Variants in SNCAIP observed in about 807,000 individuals in gnomAD.
SNCAIP encodes synphilin-1.
Under a neutral mutation model 86.7 loss-of-function variants are expected in SNCAIP, and 43 were observed. The ratio of observed to expected loss-of-function variants is 0.50; its 90% CI spans 0.39 to 0.64. SNCAIP has a LOEUF of 0.64. SNCAIP is among the 30% of genes least tolerant of loss of function. The pLI, the probability that SNCAIP is intolerant of heterozygous loss-of-function variation, is 0.00. For synonymous variants in SNCAIP, 417 were observed against 427.2 expected (o/e 0.98, Z 0.29); for missense variants, 981 against 1,103.1 (o/e 0.89, Z 1.57).
chr5:122,441,929 A>G (rs897127248), intron 7 of SNCAIP, among the ~76,000 whole-genome samples: 5 of 152,188 alleles, frequency 3.3e-5, no homozygotes, highest in Non-Finnish European at 7.3e-5. Flanking sequence ...TATCATTGAA[A>G]GTGACCCGAC....
chr5:122,313,795 G>A, intron 1 of SNCAIP, among the ~76,000 whole-genome samples: 1 of 152,146 alleles, frequency 6.6e-6, no homozygotes, highest in East Asian at 1.9e-4. Context: ...CTCTGGAAAG[G>A]GAGTATTAAC....
intron 1 of SNCAIP, among the ~76,000 whole-genome samples, chr5:122,349,186 G>A (rs576180111): frequency 4.6e-5 from 7 of 152,076 alleles, no homozygotes; most frequent in African/African-American, 9.7e-5. Flanking sequence ...ATTTATTTGC[G>A]TCTTTTCAGA....
At chr5:122,365,576 G>A (rs920327811) in intron 1 of SNCAIP, among the ~76,000 whole-genome samples, 1 of 152,208 alleles carries the variant, frequency 6.6e-6, no homozygotes, top group African/African-American at 2.4e-5. Context: ...CTACTTGGGA[G>A]GCTGAGGCAG....
At chr5:122,313,325 A>G (rs758316857) in intron 1 of SNCAIP, among the ~76,000 whole-genome samples, 8 of 152,260 alleles carry the variant, frequency 5.3e-5, no homozygotes, top group African/African-American at 1.9e-4. Flanking sequence ...GCTGCAGGAC[A>G]GTCTCGCCAC....
At chr5:122,356,838 C>A (rs960445032) in intron 1 of SNCAIP, among the ~76,000 whole-genome samples, 2 of 152,194 alleles carry the variant, frequency 1.3e-5, no homozygotes, top group African/African-American at 2.4e-5. Flanking sequence ...AAGTACCAGG[C>A]CTGGACCGAT....
At chr5:122,452,616 T>G (rs1328344438) in intron 10 of SNCAIP, among the ~76,000 whole-genome samples, 1 of 152,238 alleles carries the variant, frequency 6.6e-6, no homozygotes, top group Non-Finnish European at 1.5e-5. Context: ...ATTGTCCTTG[T>G]TATAGAAGAC....
chr5:122,343,626 G>T (rs1758021625), intron 1 of SNCAIP, among the ~76,000 whole-genome samples: 1 of 152,294 alleles, frequency 6.6e-6, no homozygotes, highest in Admixed American at 6.5e-5. Flanking sequence ...TTTTAGAAAA[G>T]CCGGTTATAT....
chr5:122,458,908 T>G (rs1402260984), intron 10 of SNCAIP, among the ~76,000 whole-genome samples: 3 of 150,556 alleles, frequency 2.0e-5, no homozygotes, highest in African/African-American at 7.5e-5. Context: ...AGTGTCTTGC[T>G]TGGTGCCTGG....
intron 1 of SNCAIP, among the ~76,000 whole-genome samples, chr5:122,346,955 A>G (rs1758731279): frequency 6.6e-6 from 1 of 152,042 alleles, no homozygotes; most frequent in African/African-American, 2.4e-5. Flanking sequence ...TTATAGATAT[A>G]ATGAAAGCAA....
intron 1 of SNCAIP, among the ~76,000 whole-genome samples, chr5:122,386,152 A>G (rs1353905617): frequency 3.9e-5 from 6 of 152,216 alleles, no homozygotes; most frequent in African/African-American, 1.4e-4. Context: ...TGCTGCCATT[A>G]TGCAACAGAT....
intron 9 of SNCAIP, 27 bp downstream of exon 9, chr5:122,449,964 A>G (rs1561800818): frequency 1.4e-6 from 2 of 1,436,998 alleles, no homozygotes; most frequent in Admixed American, 1.7e-5. Context: ...GTTGTTTAGC[A>G]TTCTTAAGTA....
intron 1 of SNCAIP, among the ~76,000 whole-genome samples, chr5:122,364,080 C>T (rs1485548143): frequency 1.3e-5 from 2 of 152,146 alleles, no homozygotes; most frequent in Non-Finnish European, 2.9e-5. Context: ...ATCCTCACCT[C>T]AGCTTCCCAA....
At chr5:122,325,048 T>C (rs1312220812) in intron 1 of SNCAIP, among the ~76,000 whole-genome samples, 3 of 152,232 alleles carry the variant, frequency 2.0e-5, no homozygotes, top group Non-Finnish European at 4.4e-5. Flanking sequence ...GAACAGCGTA[T>C]TGAACCCCTC....
chr5:122,394,088 CT>C (rs112838168), intron 2 of SNCAIP, among the ~76,000 whole-genome samples: 215 of 145,724 alleles, frequency 1.5e-3, no homozygotes, highest in African/African-American at 1.4e-3. Flanking sequence ...ATGCAATTTT[CT>C]TTTTTTTTTT....
chr5:122,423,845 C>T (rs1408081131), intron 4 of SNCAIP, 106 bp downstream of exon 4: 4 of 1,049,832 alleles, frequency 3.8e-6, no homozygotes, highest in Non-Finnish European at 4.2e-6. Context: ...TTGGTTTTTA[C>T]TTAATCTTTA....
intron 1 of SNCAIP, among the ~76,000 whole-genome samples, chr5:122,327,020 G>A (rs148388191): frequency 9.3e-5 from 14 of 151,058 alleles, no homozygotes; most frequent in South Asian, 2.1e-4. Flanking sequence ...TCAAAGTACC[G>A]TAATGATCTC....
chr5:122,423,060 G>A lies in SNCAIP; in HGVS notation c.323G>A (p.Gly108Glu), dbSNP rs773615333. 5 of 1,614,088 alleles carry A rather than the reference G, an allele frequency of 3.1e-6. No individual in the cohort carries two copies. The highest frequency in any genetic ancestry group is 3.4e-6 in the Non-Finnish European group (4 of 1,179,994). ...CAGAAAGTGGTTGAGTACCAGAAAGGGGGTGAGTCTGACCTGGGCCCCCAG... is the reference window on the plus strand; with the variant it reads ...CAGAAAGTGGTTGAGTACCAGAAAGAGGGTGAGTCTGACCTGGGCCCCCAG... The part of the protein sequence containing the change: ...KNQKVVEYQK[G>E]GESDLGPQPQ... The change falls in exon 4 of 11, where the codon GGG becomes GAG. Residue 108 changes from glycine to glutamate, a missense_variant. Transcript: ENST00000261368.
chr5:122,316,359 C>G (rs1751724332), intron 1 of SNCAIP, among the ~76,000 whole-genome samples: 1 of 152,138 alleles, frequency 6.6e-6, no homozygotes, highest in South Asian at 2.1e-4. Context: ...ACTCCTGAGC[C>G]AGTAGCACTG....
At chr5:122,454,841 C>G (rs1784410272) in intron 10 of SNCAIP, among the ~76,000 whole-genome samples, 1 of 152,168 alleles carries the variant, frequency 6.6e-6, no homozygotes, top group Admixed American at 6.5e-5. Flanking sequence ...AGAAACATTT[C>G]ATTCTGTCTT....
Sources: gnomAD v4.1 joint callset for allele counts (sites outside exome capture counted in the v4.1 genomes callset) on GRCh38, gnomAD v4.1.1 for gene constraint, MANE v1.5 for transcripts, NCBI Gene and HGNC (gene_info 2026-07-23, HGNC 2026-07-21) for gene names.